CACNG3: variants seen among roughly 807,000 people sequenced by gnomAD.
CACNG3 encodes the protein calcium voltage-gated channel auxiliary subunit gamma 3, also known as voltage-dependent calcium channel gamma-3 subunit.
Under a neutral mutation model 28.5 loss-of-function variants are expected in CACNG3, and 3 were observed. The observed-to-expected ratio is 0.11, with a 90% CI of 0.05 to 0.27. CACNG3 has a LOEUF of 0.27. CACNG3 is among the 10% of genes least tolerant of loss of function. The pLI is 1.00. For synonymous variants in CACNG3, 174 were observed against 162.2 expected, an observed-to-expected ratio of 1.07 and a Z score of -0.55; for missense variants, 236 against 414.4, an observed-to-expected ratio of 0.57 and a Z score of 3.74.
chr16:24,356,410 T>C (rs1389701533), intron 3 of CACNG3, among the ~76,000 whole-genome samples: 1 of 152,186 alleles, frequency 6.6e-6, no homozygotes, highest in Non-Finnish European at 1.5e-5. Flanking sequence ...ATGATAATAG[T>C]ACCAACTGCA....
chr16:24,260,266 CT>C, intron 1 of CACNG3, among the ~76,000 whole-genome samples: 1 of 152,294 alleles, frequency 6.6e-6, no homozygotes, highest in East Asian at 1.9e-4. Flanking sequence ...CTGAATTACT[CT>C]TTAATAGTCA....
At chr16:24,336,232 A>C (rs1383549904) in intron 1 of CACNG3, among the ~76,000 whole-genome samples, 1 of 151,918 alleles carries the variant, frequency 6.6e-6, no homozygotes, top group Admixed American at 6.6e-5. Flanking sequence ...CTCCAAAAAA[A>C]AGAAAGAAAG....
rs36102827 is a variant in CACNG3, at chr16:24,357,232, TA to T, written c.436+2280del. 4.4e-3 allele frequency among the ~76,000 whole-genome samples: 495 copies of T among 113,246 alleles called. 7 individuals carry two copies. Among genetic ancestry groups the T allele is most frequent in the South Asian group, 6.9e-3 (23 of 3,314 alleles). 74.3% of individuals were successfully genotyped at this position (113,246 alleles called of 152,430 possible). ...CTGGTGACTGAGTGACACTCCATCTTAAAAAAAAAAAAAAAAAAAAAGCCAT... is the reference window on the plus strand; with the variant it reads ...CTGGTGACTGAGTGACACTCCATCTTAAAAAAAAAAAAAAAAAAAAGCCAT... On this transcript the variant is annotated intron_variant, in intron 3 of 3. Coordinates refer to ENST00000005284, the MANE Select transcript of CACNG3 (RefSeq NM_006539.4).
At chr16:24,281,885 G>A (rs1385264295) in intron 1 of CACNG3, among the ~76,000 whole-genome samples, 1 of 152,190 alleles carries the variant, frequency 6.6e-6, no homozygotes, top group Non-Finnish European at 1.5e-5. Context: ...ACTTGCCCAG[G>A]ACCGACAGCC....
chr16:24,351,386 A>G (rs1228643271), intron 2 of CACNG3, among the ~76,000 whole-genome samples: 1 of 151,938 alleles, frequency 6.6e-6, no homozygotes, highest in Non-Finnish European at 1.5e-5. Context: ...AACCAGACCA[A>G]TATGGTGAAA....
At position 24,361,236 on chromosome 16, in the gene CACNG3, A is replaced by C; in HGVS notation, c.437-116A>C. 1.2e-6 allele frequency: 1 copy of C among 829,842 alleles called. No individual in the cohort carries two copies. The highest frequency in any genetic ancestry group is 1.8e-5 in the South Asian group (1 of 56,648). 51.4% of individuals were successfully genotyped at this position (829,842 alleles called of 1,614,324 possible). A position where few individuals can be genotyped will look rare whatever the true frequency, so the allele number is the denominator to read the frequency against. On this transcript the variant is annotated intron_variant, in intron 3 of 3. Coordinates refer to ENST00000005284, the MANE Select transcript of CACNG3 (RefSeq NM_006539.4). The surrounding 1 kb of genome is among the most constrained non-coding windows in gnomAD (Gnocchi z 6.8). ...TAGGTGGTTGGATTTCCCAGCTATA[A>C]TCCATTCTCCTCTCTCCCCATTACC...
intron 1 of CACNG3, among the ~76,000 whole-genome samples, chr16:24,306,004 G>T (rs1454434813): frequency 6.6e-6 from 1 of 151,986 alleles, no homozygotes; most frequent in African/African-American, 2.4e-5. Flanking sequence ...TTTAAGTGAT[G>T]GTCTCAGAGC....
At chr16:24,336,913 C>G (rs1411008012) in intron 1 of CACNG3, among the ~76,000 whole-genome samples, 1 of 152,144 alleles carries the variant, frequency 6.6e-6, no homozygotes, top group African/African-American at 2.4e-5. Context: ...CTCCCAGACG[C>G]AAGTGATCCT....
chr16:24,309,235 C>A (rs992383474), intron 1 of CACNG3, among the ~76,000 whole-genome samples: 4 of 152,192 alleles, frequency 2.6e-5, no homozygotes, highest in Non-Finnish European at 5.9e-5. Context: ...ACATCTACTG[C>A]CTAATATGCA....
intron 3 of CACNG3, 106 bp downstream of exon 3, chr16:24,355,079 G>T (rs1431154710): frequency 9.0e-7 from 1 of 1,116,234 alleles, no homozygotes; most frequent in Non-Finnish European, 1.3e-6. Context: ...GAAGGAGCAA[G>T]AAAATGTTCC....
intron 1 of CACNG3, among the ~76,000 whole-genome samples, chr16:24,267,967 G>T (rs569104632): frequency 2.0e-5 from 3 of 152,254 alleles, no homozygotes; most frequent in African/African-American, 7.2e-5. Context: ...TACCGTGCCC[G>T]GCCTCATATC....
chr16:24,323,324 A>T (rs537387092), intron 1 of CACNG3, among the ~76,000 whole-genome samples: 2 of 151,296 alleles, frequency 1.3e-5, no homozygotes, highest in Non-Finnish European at 2.9e-5. Context: ...CTCATTCTTT[A>T]TGATTGCTGC....
chr16:24,280,986 CAGAA>C (rs74328404), intron 1 of CACNG3, among the ~76,000 whole-genome samples: 12,018 of 151,954 alleles, frequency 0.079, 861 homozygotes, highest in East Asian at 0.39. Context: ...AATGGGGAGA[CAGAA>C]AGAGAGAAAA....
At chr16:24,269,746 C>CAAAAAAAAAAAAAAAAA (rs1163565728) in intron 1 of CACNG3, among the ~76,000 whole-genome samples, 6 of 71,078 alleles carry the variant, frequency 8.4e-5, no homozygotes, top group African/African-American at 9.7e-5. Context: ...GACTCCATCT[C>CAAAAAAAAAAAAAAAAA]AAAAAAAAAA....
intron 1 of CACNG3, among the ~76,000 whole-genome samples, chr16:24,261,006 T>A (rs1898529649): frequency 6.6e-6 from 1 of 152,154 alleles, no homozygotes; most frequent in South Asian, 2.1e-4. Context: ...AGACCACCAG[T>A]CTAGTAGTGA....
rs1362623464 is a variant in CACNG3, at chr16:24,301,474, C to T, written c.211+44509C>T. On this transcript the variant is annotated intron_variant, in intron 1 of 3. Transcript: ENST00000005284. ...CAACTCAGTCAACTTGTCTATGAGG[C>T]GTATGCGGTGTTGGGAGAAGTGTGG... Among the ~76,000 whole-genome samples the T allele has an allele frequency of 2.6e-5, 4 of 152,218 alleles. No individual in the cohort carries two copies. In the East Asian group the frequency reaches 5.8e-4, roughly 22 times the overall value.
At chr16:24,313,699 G>A (rs952568741) in intron 1 of CACNG3, among the ~76,000 whole-genome samples, 1 of 151,588 alleles carries the variant, frequency 6.6e-6, no homozygotes, top group African/African-American at 2.4e-5. Flanking sequence ...GCTTCAAATG[G>A]TGCTCCTGCC....
At chr16:24,314,583 A>G (rs1269847036) in intron 1 of CACNG3, among the ~76,000 whole-genome samples, 3 of 152,228 alleles carry the variant, frequency 2.0e-5, no homozygotes, top group Admixed American at 2.0e-4. Context: ...TTCTGAAAAG[A>G]AAAAGATTTA....
At chr16:24,297,679 A>G (rs943150029) in intron 1 of CACNG3, among the ~76,000 whole-genome samples, 1 of 152,204 alleles carries the variant, frequency 6.6e-6, no homozygotes, top group Non-Finnish European at 1.5e-5. Context: ...GCAGCCTCTG[A>G]AACTCAGACC....
Sources: allele counts gnomAD v4.1 joint callset (sites outside exome capture counted in the v4.1 genomes callset), GRCh38; gene constraint gnomAD v4.1.1; non-coding constraint Gnocchi (gnomAD v3.1); transcripts MANE v1.5; gene names NCBI Gene and HGNC (gene_info 2026-07-23, HGNC 2026-07-21).